The following DNAI2 variants were observed in gnomAD, a reference collection of about 807,000 sequenced individuals.
DNAI2 encodes the protein dynein, axonemal, intermediate polypeptide 2.
In DNAI2, 63 loss-of-function variants were observed where a neutral mutation model predicts 74.7. The ratio of observed to expected loss-of-function variants is 0.84; its 90% CI spans 0.69 to 1.04. The LOEUF (loss-of-function observed/expected upper bound fraction) is 1.04. DNAI2 is among the 50% of genes least tolerant of loss of function. The pLI is 0.00. For missense variants in DNAI2, 688 were observed against 803.2 expected (o/e 0.86, Z 1.73); for synonymous variants, 289 against 314.9 (o/e 0.92, Z 0.87).
intron 6 of DNAI2, among the ~76,000 whole-genome samples, chr17:74,291,895 G>T (rs564618273): frequency 6.7e-6 from 1 of 149,530 alleles, no homozygotes; most frequent in African/African-American, 2.5e-5. Context: ...ATGGAGTCTC[G>T]CTCTGTCGCC....
At position 74,308,562 on chromosome 17, in the gene DNAI2, C is replaced by T. The variant is rs528160905; in HGVS notation, c.1212-691C>T. 2.5e-3 allele frequency among the ~76,000 whole-genome samples: 378 copies of T among 152,128 alleles called. 1 individual carries two copies. The highest frequency in any genetic ancestry group is 8.5e-3 in the African/African-American group (354 of 41,528). On this transcript the variant is annotated intron_variant, in intron 9 of 13. Coordinates refer to ENST00000311014, the MANE Select transcript of DNAI2 (RefSeq NM_023036.6). ...TTTGAGACAGGGTCTCACTACGTTG[C>T]CCAGGCTGGAGTACAGTGGCACAAA...
In DNAI2 at chr17:74,310,459, C is replaced by CT. The variant is rs1401400165; in HGVS notation, c.1494+308dup. ...TCAGTTTGTCTAGTTTCAAATAACA[C>CT]TTTTTTTTTTTTGTGGAAACTTTCC... On this transcript the variant is annotated intron_variant, in intron 11 of 13. Coordinates refer to ENST00000311014, the MANE Select transcript of DNAI2 (RefSeq NM_023036.6). 0.031 allele frequency among the ~76,000 whole-genome samples: 4,467 copies of CT among 143,682 alleles called. 67 individuals carry two copies. Among genetic ancestry groups the CT allele is most frequent in the African/African-American group, 0.049 (1,941 of 39,432 alleles). 94.3% of individuals were successfully genotyped at this position (143,682 alleles called of 152,430 possible). A position where few individuals can be genotyped will look rare whatever the true frequency, so the allele number is the denominator to read the frequency against.
In DNAI2 at chr17:74,281,928, G is replaced by A. The variant is rs374070900; in HGVS notation, c.111G>A (p.Leu37=). 175 of 1,614,160 alleles carry A rather than the reference G, an allele frequency of 1.1e-4. 4 individuals are homozygous for A. The South Asian group carries it at 1.8e-3, about 17-fold the overall frequency. Residue 37 remains leucine (L), a synonymous_variant, in exon 2 of 14, where the codon CTG becomes CTA. Coordinates refer to ENST00000311014, the MANE Select transcript of DNAI2 (RefSeq NM_023036.6). The part of the protein sequence containing the change: ...LNIDIMPNPE[L]AEQFVERNPV... The stretch of plus-strand genomic sequence containing the variant: ...TCGACATCATGCCCAACCCTGAGCT[G>A]GCCGAGCAGTTCGTGGAGCGGAACC...
intron 9 of DNAI2, among the ~76,000 whole-genome samples, chr17:74,305,984 A>G (rs898868712): frequency 1.3e-5 from 2 of 152,064 alleles, no homozygotes; most frequent in Admixed American, 6.6e-5. Context: ...CTTAATTTTC[A>G]TAATCCTCAA....
chr17:74,309,923 C>T, intron 10 of DNAI2, 94 bp from the exon 11 acceptor site: 1 of 1,545,276 alleles, frequency 6.5e-7, no homozygotes, highest in Non-Finnish European at 8.9e-7. Context: ...TTGAATAGGG[C>T]CAAGTGGCTG....
intron 13 of DNAI2, 31 bp downstream of exon 13, chr17:74,314,302 G>A (rs1411035515): frequency 1.2e-6 from 2 of 1,604,042 alleles, no homozygotes; most frequent in South Asian, 1.1e-5. Flanking sequence ...GTGGGAGGCT[G>A]AGCTCCGCCT....
At chr17:74,277,619 C>A (rs1028785724) in intron 1 of DNAI2, among the ~76,000 whole-genome samples, 1 of 152,198 alleles carries the variant, frequency 6.6e-6, no homozygotes, top group African/African-American at 2.4e-5. Context: ...GGGCACACAG[C>A]TCCTGCCCTG....
Position 74,292,847 on chromosome 17 carries a change from T to TG in DNAI2, c.724+1717dup, listed in dbSNP as rs1455150823. Among the ~76,000 whole-genome samples the TG allele has an allele frequency of 2.8e-3, 419 of 151,674 alleles. 3 individuals are homozygous for TG. The highest frequency in any genetic ancestry group is 5.2e-3 in the Non-Finnish European group (350 of 67,800). On this transcript the variant is annotated intron_variant, in intron 6 of 13. Transcript: ENST00000311014. ...GGTGTAGTTTTCCTTTTTTTTTTTT[T>TG]GGGACGGAGTCTTGCTCTTTCGCCC...
rs192223705 is a variant in DNAI2, at chr17:74,289,565, C to A, written c.468-29C>A. 301 of 1,613,420 alleles carry A rather than the reference C, an allele frequency of 1.9e-4. No homozygotes were observed. The East Asian group carries it at 5.6e-3, about 30-fold the overall frequency. On this transcript the variant is annotated intron_variant, in intron 4 of 13. Coordinates refer to ENST00000311014, the MANE Select transcript of DNAI2 (RefSeq NM_023036.6). ...AGAAATTGGGGAACCTCACATCCAG[C>A]CTTCTGCTCTCTTCCCTCTCCCCTG...
In DNAI2 at chr17:74,291,219, G is replaced by A. The variant is rs371736179; in HGVS notation, c.724+86G>A. 2.8e-5 allele frequency: 33 copies of A among 1,196,666 alleles called. No individual in the cohort carries two copies. The African/African-American group carries it at 3.9e-4, about 14-fold the overall frequency. 74.1% of individuals were successfully genotyped at this position (1,196,666 alleles called of 1,614,324 possible). A position where few individuals can be genotyped will look rare whatever the true frequency, so the allele number is the denominator to read the frequency against. ...CTTGTTTCCCAGGCTGGAGTGTAGT[G>A]GTGCAATTTTGGCTCACTGCAACCT... On this transcript the variant is annotated intron_variant, in intron 6 of 13. Coordinates refer to ENST00000311014, the MANE Select transcript of DNAI2 (RefSeq NM_023036.6).
At position 74,299,700 on chromosome 17, in the gene DNAI2, C is replaced by G; in HGVS notation, c.725-18C>G. 1 of 1,613,310 alleles carries G rather than the reference C, an allele frequency of 6.2e-7. No individual in the cohort carries two copies. Among genetic ancestry groups the G allele is most frequent in the South Asian group, 1.1e-5 (1 of 91,074 alleles). The stretch of plus-strand genomic sequence containing the variant: ...CCTGTGCCCCCTTCCACTCCTTCTT[C>G]ATCTCCTTCCTCACCAGCCTGCTGG... On this transcript the variant is annotated intron_variant, in intron 6 of 13. Coordinates refer to ENST00000311014, the MANE Select transcript of DNAI2 (RefSeq NM_023036.6).
Position 74,309,373 on chromosome 17 carries a change from C to T in DNAI2, c.1332C>T (p.Pro444=). 6.2e-7 allele frequency: 1 copy of T among 1,614,180 alleles called. No homozygotes were observed. The highest frequency in any genetic ancestry group is 8.5e-7 in the Non-Finnish European group (1 of 1,180,038). The change falls in exon 10 of 14, where the codon CCC becomes CCT. Residue 444 remains proline (P), a synonymous_variant. Transcript: ENST00000311014. The stretch of plus-strand genomic sequence containing the variant: ...ACTTCATGTTCGAGCAGTGCGATCC[C>T]ACCCTCAGCTTGAAGGTCACGCGCA... ...IWDFMFEQCD[P]TLSLKVCDEA... is the part of the protein sequence containing the mutation.
chr17:74,310,689 C>G (rs983578126), intron 11 of DNAI2, among the ~76,000 whole-genome samples: 1 of 151,746 alleles, frequency 6.6e-6, no homozygotes, highest in Non-Finnish European at 1.5e-5. Context: ...CAAGTGCATA[C>G]CACCACGCCC....
rs3803792 is a variant in DNAI2, at chr17:74,281,740, A to G, written c.-11-67A>G. 0.35 allele frequency: 532,470 copies of G among 1,520,768 alleles called. 100,025 individuals are homozygous for G. Among genetic ancestry groups the G allele is most frequent in the East Asian group, 0.79 (35,164 of 44,322 alleles). 94.2% of individuals were successfully genotyped at this position (1,520,768 alleles called of 1,614,324 possible). On this transcript the variant is annotated intron_variant, in intron 1 of 13. Coordinates refer to ENST00000311014, the MANE Select transcript of DNAI2 (RefSeq NM_023036.6). ...ATTGAGAACCTGGAGCTGTCCTGGC[A>G]GGACCTGTGGAGATAGGGAAGGGGC...
intron 10 of DNAI2, chr17:74,309,601 T>A: frequency 1.4e-6 from 1 of 740,692 alleles, no homozygotes; most frequent in East Asian, 2.7e-5. Flanking sequence ...GGCATCCTGG[T>A]AGCACAACAG....
intron 3 of DNAI2, 72 bp from the exon 4 acceptor site, chr17:74,286,905 C>G: frequency 6.2e-7 from 1 of 1,606,090 alleles, no homozygotes; most frequent in Non-Finnish European, 8.5e-7. Context: ...CCCTCCCAGA[C>G]TCCATTGCAG....
intron 1 of DNAI2, among the ~76,000 whole-genome samples, chr17:74,280,616 T>G (rs2143863820): frequency 6.6e-6 from 1 of 152,216 alleles, no homozygotes; most frequent in South Asian, 2.1e-4. Context: ...CAACGAGCCT[T>G]TTGGACAATT....
At chr17:74,281,691 C>G in intron 1 of DNAI2, 116 bp from the exon 2 acceptor site, 1 of 978,730 alleles carries the variant, frequency 1.0e-6, no homozygotes, top group Non-Finnish European at 1.6e-6. Context: ...CTCCCCACCA[C>G]CCCTTGCTTC....
Position 74,310,007 on chromosome 17 carries a change from C to T in DNAI2, c.1348-10C>T, listed in dbSNP as rs757069601. ...CTCCTCTACCTGGGTCTGCCCGGCCCCTTCAATAGGTGTGTGACGAGGCCC... is the reference window on the plus strand; with the variant it reads ...CTCCTCTACCTGGGTCTGCCCGGCCTCTTCAATAGGTGTGTGACGAGGCCC... On this transcript the variant is annotated splice_polypyrimidine_tract_variant and intron_variant, in intron 10 of 13. Coordinates refer to ENST00000311014, the MANE Select transcript of DNAI2 (RefSeq NM_023036.6). 1 of 1,613,730 alleles carries T rather than the reference C, an allele frequency of 6.2e-7. No individual in the cohort carries two copies. Among genetic ancestry groups the T allele is most frequent in the South Asian group, 1.1e-5 (1 of 91,086 alleles).
Sources: gnomAD v4.1 joint callset for allele counts (sites outside exome capture counted in the v4.1 genomes callset) on GRCh38, gnomAD v4.1.1 for gene constraint, MANE v1.5 for transcripts, NCBI Gene and HGNC (gene_info 2026-07-23, HGNC 2026-07-21) for gene names.